Variants in STKLD1 observed in about 807,000 individuals in gnomAD.
The protein encoded by STKLD1 is serine/threonine kinase like domain containing 1, also known as serine/threonine kinase-like domain-containing protein STKLD1.
In STKLD1, 79 loss-of-function variants were observed where a neutral mutation model predicts 80.4. The observed-to-expected ratio is 0.98, with a 90% confidence interval of 0.82 to 1.19. The LOEUF is 1.19. Ranked by LOEUF, STKLD1 falls within the 50% of genes most tolerant of loss-of-function variation. The probability of loss-of-function intolerance (pLI) is 0.00; values close to 1 mark genes in which losing one functional copy is unlikely to be tolerated. For missense variants in STKLD1, 841 were observed against 856.0 expected (o/e 0.98, Z 0.22); for synonymous variants, 393 against 357.6 (o/e 1.10, Z -1.12).
chr9:133,403,040 C>T (rs1838749904), intron 14 of STKLD1, 28 bp downstream of exon 14: 5 of 1,540,760 alleles, frequency 3.2e-6, no homozygotes, highest in Admixed American at 1.9e-5. Context: ...TGCTGTCCCA[C>T]CGGGGCTGGC....
Position 133,384,163 on chromosome 9 carries a change from G to A in STKLD1, c.219+263G>A. ...ACATAAAATTTAAATATTGGGCTGGGCACGGTGGCTCACATTTGTAATCCC... is the reference window on the plus strand; with the variant it reads ...ACATAAAATTTAAATATTGGGCTGGACACGGTGGCTCACATTTGTAATCCC... On this transcript the variant is annotated intron_variant, in intron 3 of 17. Coordinates refer to ENST00000371957, the MANE Select transcript of STKLD1 (RefSeq NM_153710.5). The surrounding 1 kb of genome is among the most constrained non-coding windows in gnomAD (Gnocchi z 4.3). 1 of 435,442 alleles carries A rather than the reference G, an allele frequency of 2.3e-6. No homozygotes were observed. Among genetic ancestry groups the A allele is most frequent in the Non-Finnish European group, 4.2e-6 (1 of 239,086 alleles). 27.0% of individuals were successfully genotyped at this position (435,442 alleles called of 1,614,324 possible). A position where few individuals can be genotyped will look rare whatever the true frequency, so the allele number is the denominator to read the frequency against.
rs587733991 is a variant in STKLD1 at position 133,403,904 on chromosome 9, C to G, written c.1604-16C>G. 4 of 1,606,572 alleles carry G rather than the reference C, an allele frequency of 2.5e-6. No homozygotes were observed. The South Asian group carries it at 4.4e-5, about 18-fold the overall frequency. On this transcript the variant is annotated splice_polypyrimidine_tract_variant and intron_variant, in intron 15 of 17. Coordinates refer to ENST00000371957, the MANE Select transcript of STKLD1 (RefSeq NM_153710.5). Reference sequence around the variant, plus strand: ...ATGGCACAGCAGGCACAAGGCAGCCCGGCCCCTTTCTGCAGGCTGCATCAA... The same window carrying G: ...ATGGCACAGCAGGCACAAGGCAGCCGGGCCCCTTTCTGCAGGCTGCATCAA...
chr9:133,396,270 C>A (rs1554776733), intron 9 of STKLD1, among the ~76,000 whole-genome samples: 1 of 151,956 alleles, frequency 6.6e-6, no homozygotes, highest in African/African-American at 2.4e-5. Context: ...CCTGTCTCTA[C>A]GAAAAATACA....
At chr9:133,382,273 C>A (rs1838149763) in intron 2 of STKLD1, among the ~76,000 whole-genome samples, 1 of 152,214 alleles carries the variant, frequency 6.6e-6, no homozygotes, top group Non-Finnish European at 1.5e-5. Context: ...AAAATGGATC[C>A]TTTACTGAGT....
intron 13 of STKLD1, among the ~76,000 whole-genome samples, chr9:133,402,651 G>A (rs1435585936): frequency 6.6e-6 from 1 of 152,226 alleles, no homozygotes; most frequent in Non-Finnish European, 1.5e-5. Context: ...ACCCAGCCTG[G>A]TAGTGGGATG....
intron 2 of STKLD1, among the ~76,000 whole-genome samples, chr9:133,379,841 A>G (rs2130261858): frequency 3.9e-5 from 6 of 152,162 alleles, no homozygotes; most frequent in African/African-American, 1.4e-4. Context: ...GGCTGGCCAT[A>G]CAGCGGGAGG....
At chr9:133,395,952 C>T in intron 9 of STKLD1, 189 bp downstream of exon 9, 1 of 597,294 alleles carries the variant, frequency 1.7e-6, no homozygotes, top group Non-Finnish European at 2.9e-6. Context: ...GCGAGTAATC[C>T]CGAATGTACG....
Position 133,376,578 on chromosome 9 carries a change from C to T in STKLD1, c.87+18C>T, listed in dbSNP as rs1837962519. 3.2e-6 allele frequency: 5 copies of T among 1,565,078 alleles called. No individual in the cohort carries two copies. The Admixed American group carries it at 5.9e-5, about 18-fold the overall frequency. On this transcript the variant is annotated intron_variant, in intron 1 of 17. Transcript: ENST00000371957. ...AGTACCAGGTGCCGAGTGTTCCCTG[C>T]GGGGAGGCGGGAGCTCCGTGGGGTA...
intron 11 of STKLD1, 67 bp from the exon 12 acceptor site, chr9:133,400,346 C>T (rs1838667595): frequency 8.3e-7 from 1 of 1,211,940 alleles, no homozygotes; most frequent in Admixed American, 1.7e-5. Context: ...TCTGGGGGCC[C>T]TGGTCGGGTC....
chr9:133,381,450 C>CAATGTAACA, intron 2 of STKLD1, among the ~76,000 whole-genome samples: 1 of 91,160 alleles, frequency 1.1e-5, no homozygotes, highest in East Asian at 3.5e-4. Context: ...CACCCAGCCG[C>CAATGTAACA]TTTTTTTTTT....
chr9:133,397,043 G>A, intron 9 of STKLD1, 121 bp from the exon 10 acceptor site: 1 of 1,398,016 alleles, frequency 7.2e-7, no homozygotes, highest in South Asian at 1.4e-5. Flanking sequence ...CCAAAACAGG[G>A]AGTTCAGTGT....
At chr9:133,397,854 C>A in intron 10 of STKLD1, 118 bp from the exon 11 acceptor site, 1 of 753,504 alleles carries the variant, frequency 1.3e-6, no homozygotes, top group South Asian at 1.8e-5. Context: ...TCATCCTGAA[C>A]CTGTGGATCT....
chr9:133,388,246 C>CTTGTTG (rs373497316), intron 5 of STKLD1, among the ~76,000 whole-genome samples: 1 of 151,944 alleles, frequency 6.6e-6, no homozygotes, highest in South Asian at 2.1e-4. Flanking sequence ...TTGTGTCAGT[C>CTTGTTG]TTGTTGTTGT....
chr9:133,395,055 C>G (rs1271312691), intron 8 of STKLD1, among the ~76,000 whole-genome samples: 1 of 152,190 alleles, frequency 6.6e-6, no homozygotes, highest in Non-Finnish European at 1.5e-5. Flanking sequence ...ATGCCCAAAA[C>G]AAGGAAGCTC....
chr9:133,397,369 C>A, intron 10 of STKLD1, 75 bp downstream of exon 10: 1 of 1,581,788 alleles, frequency 6.3e-7, no homozygotes, highest in Non-Finnish European at 8.6e-7. Flanking sequence ...TTGTTTAGTT[C>A]CAGAGGGTTC....
At chr9:133,397,315 G>C (rs781868341) in intron 10 of STKLD1, 21 bp downstream of exon 10, 91 of 1,611,538 alleles carry the variant, frequency 5.6e-5, no homozygotes, top group Middle Eastern at 1.6e-4. Flanking sequence ...GGACACAAAG[G>C]GGGAGCGTGC....
intron 2 of STKLD1, among the ~76,000 whole-genome samples, chr9:133,381,375 C>G (rs1435542100): frequency 1.3e-5 from 2 of 151,360 alleles, no homozygotes; most frequent in Admixed American, 6.6e-5. Flanking sequence ...TCTCGAACTC[C>G]CGACCTCAGA....
At chr9:133,404,726 G>C in intron 16 of STKLD1, 63 bp from the exon 17 acceptor site, 1 of 1,585,954 alleles carries the variant, frequency 6.3e-7, no homozygotes. Flanking sequence ...TCCCGTCCTG[G>C]GCAGAAGGCT....
rs2130274620 is a variant in STKLD1, at chr9:133,385,516, C to T, written c.220-101C>T. ...CCACTCCCTGGCCCAGCTCAGAGCC[C>T]GAGGCTTGCATGTTTGTTGGGATGT... On this transcript the variant is annotated intron_variant, in intron 3 of 17. Transcript: ENST00000371957. This position sits in a 1 kb window ranked among gnomAD's most constrained non-coding sequence, Gnocchi z 4.9. 33 of 1,255,326 alleles carry T rather than the reference C, an allele frequency of 2.6e-5. No homozygotes were observed. The highest frequency in any genetic ancestry group is 1.4e-4 in the Admixed American group (8 of 55,688). The allele number at this position is 1,255,326 out of a possible 1,614,324, so 77.8% of individuals were successfully genotyped here.
Sources: gnomAD v4.1 joint callset for allele counts (sites outside exome capture counted in the v4.1 genomes callset) on GRCh38, gnomAD v4.1.1 for gene constraint, Gnocchi (gnomAD v3.1) non-coding constraint, MANE v1.5 for transcripts, NCBI Gene and HGNC (gene_info 2026-07-23, HGNC 2026-07-21) for gene names.